SLCO1B3: variants seen among roughly 807,000 people sequenced by gnomAD.
SLCO1B3 encodes liver-specific organic anion transporter 2.
Under a neutral mutation model 71.8 loss-of-function variants are expected in SLCO1B3, and 72 were observed. That is an observed-to-expected ratio of 1.00 (90% CI 0.83 to 1.22). SLCO1B3 has a LOEUF of 1.22. Ranked by LOEUF, SLCO1B3 falls within the 50% of genes most tolerant of loss-of-function variation. The pLI is 0.00. For missense variants in SLCO1B3, 911 were observed against 819.7 expected (o/e 1.11, Z -1.36); for synonymous variants, 298 against 278.4 (o/e 1.07, Z -0.70).
intron 3 of SLCO1B3, among the ~76,000 whole-genome samples, chr12:20,817,754 A>G (rs1565575696): frequency 6.7e-6 from 1 of 148,216 alleles, no homozygotes; most frequent in East Asian, 2.0e-4. Flanking sequence ...CACCCAGCTA[A>G]TTTTTTTTTT....
At chr12:20,850,657 C>T (rs1865008665) in intron 3 of SLCO1B3, among the ~76,000 whole-genome samples, 1 of 152,158 alleles carries the variant, frequency 6.6e-6, no homozygotes, top group African/African-American at 2.4e-5. Context: ...CTGTATTCTC[C>T]TAACTTCCAC....
intron 12 of SLCO1B3, among the ~76,000 whole-genome samples, chr12:20,881,414 C>T (rs1056756400): frequency 3.9e-5 from 6 of 152,124 alleles, no homozygotes; most frequent in African/African-American, 1.4e-4. Flanking sequence ...AGCCTGTTGT[C>T]AGCACTACCT....
At chr12:20,888,968 A>G (rs1346586202) in intron 13 of SLCO1B3, among the ~76,000 whole-genome samples, 1 of 151,932 alleles carries the variant, frequency 6.6e-6, no homozygotes, top group Non-Finnish European at 1.5e-5. Context: ...TTGAAAAAAG[A>G]TTTCTGTTAA....
chr12:20,833,145 C>T (rs558286851), intron 3 of SLCO1B3, among the ~76,000 whole-genome samples: 13 of 152,242 alleles, frequency 8.5e-5, no homozygotes, highest in African/African-American at 2.6e-4. Context: ...AAGTCCACGT[C>T]ACATGGATGC....
intron 10 of SLCO1B3, 24 bp downstream of exon 10, chr12:20,877,960 T>A: frequency 6.5e-7 from 1 of 1,532,848 alleles, no homozygotes; most frequent in Non-Finnish European, 8.9e-7. Flanking sequence ...TTTACCTGTT[T>A]GCTTGATAAA....
In SLCO1B3 at chr12:20,844,137, G is replaced by GTA. The variant is rs1191529909; in HGVS notation, c.85-10883_85-10882dup. 4.0e-5 allele frequency among the ~76,000 whole-genome samples: 6 copies of GTA among 151,594 alleles called. No individual in the cohort carries two copies. The South Asian group carries it at 6.2e-4, about 16-fold the overall frequency. The stretch of plus-strand genomic sequence containing the variant: ...TATATATATAGTATATAAGTTGTGT[G>GTA]TATATATATGTGTGTGTGTGTATAT... On this transcript the variant is annotated intron_variant, in intron 3 of 15. Transcript: ENST00000381545.
intron 13 of SLCO1B3, among the ~76,000 whole-genome samples, chr12:20,896,418 T>C (rs1156683465): frequency 6.6e-6 from 1 of 152,144 alleles, no homozygotes; most frequent in African/African-American, 2.4e-5. Context: ...ATACCCTAAA[T>C]CATCTCCCTC....
In SLCO1B3 at chr12:20,898,542, TTAA is replaced by T. The variant is rs1054202639; in HGVS notation, c.1747+44_1747+46del. 5 of 1,014,548 alleles carry T rather than the reference TTAA, an allele frequency of 4.9e-6. No individual in the cohort carries two copies. The African/African-American group carries it at 6.5e-5, about 13-fold the overall frequency. 62.8% of individuals were successfully genotyped at this position (1,014,548 alleles called of 1,614,324 possible). A position where few individuals can be genotyped will look rare whatever the true frequency, so the allele number is the denominator to read the frequency against. Reference sequence around the variant, plus strand: ...GATTATACATTTTAACATATAAATATTAATGTTAAATACTAAAGACTGAATGCA... The same window carrying T: ...GATTATACATTTTAACATATAAATATTGTTAAATACTAAAGACTGAATGCA... On this transcript the variant is annotated intron_variant, in intron 14 of 15. Transcript: ENST00000381545.
chr12:20,899,505 GAGA>G (rs1866084601), intron 14 of SLCO1B3, among the ~76,000 whole-genome samples: 1 of 152,208 alleles, frequency 6.6e-6, no homozygotes, highest in African/African-American at 2.4e-5. Flanking sequence ...TGTATTCGGT[GAGA>G]AGGTCACAGA....
chr12:20,892,506 G>A (rs1037344690), intron 13 of SLCO1B3, among the ~76,000 whole-genome samples: 4 of 152,114 alleles, frequency 2.6e-5, no homozygotes, highest in Admixed American at 2.0e-4. Flanking sequence ...AAGAGGGAAA[G>A]CAATTACAGA....
At chr12:20,841,405 C>A (rs566536597) in intron 3 of SLCO1B3, among the ~76,000 whole-genome samples, 1 of 152,104 alleles carries the variant, frequency 6.6e-6, no homozygotes, top group African/African-American at 2.4e-5. Flanking sequence ...ACTTAAAATT[C>A]CACTATAATT....
intron 2 of SLCO1B3, among the ~76,000 whole-genome samples, chr12:20,815,176 A>G (rs998427034): frequency 6.6e-6 from 1 of 152,010 alleles, no homozygotes; most frequent in African/African-American, 2.4e-5. Flanking sequence ...GCCTTGTTCC[A>G]TAGGCATCTC....
intron 5 of SLCO1B3, among the ~76,000 whole-genome samples, chr12:20,860,752 C>A (rs1284130296): frequency 6.6e-6 from 1 of 151,880 alleles, no homozygotes; most frequent in African/African-American, 2.4e-5. Context: ...ATATCTTGAC[C>A]AGATTATAAG....
intron 8 of SLCO1B3, among the ~76,000 whole-genome samples, chr12:20,869,988 C>A (rs1865448382): frequency 6.6e-6 from 1 of 152,068 alleles, no homozygotes; most frequent in Non-Finnish European, 1.5e-5. Flanking sequence ...ACATCTATGC[C>A]AACACTTTTC....
rs1357446034 is a variant in SLCO1B3 at position 20,818,719 on chromosome 12, G to A, written c.84+2897G>A. The stretch of plus-strand genomic sequence containing the variant: ...AGTGGCTTGTACTATAGCATAGCCT[G>A]CCTTTGCTGGTGTGTGGTGATTAGG... On this transcript the variant is annotated intron_variant, in intron 3 of 15. Coordinates refer to ENST00000381545, the MANE Select transcript of SLCO1B3 (RefSeq NM_019844.4). Among the ~76,000 whole-genome samples, 3 of 152,252 alleles carry A rather than the reference G, an allele frequency of 2.0e-5. No individual in the cohort carries two copies. In the East Asian group the frequency reaches 5.8e-4, roughly 29 times the overall value.
rs918742258 is a variant in SLCO1B3, at chr12:20,815,911, A to G, written c.84+89A>G. 86 of 632,684 alleles carry G rather than the reference A, an allele frequency of 1.4e-4. 2 individuals carry two copies. Among genetic ancestry groups the G allele is most frequent in the African/African-American group, 1.3e-3 (70 of 53,512 alleles). The allele number at this position is 632,684 out of a possible 1,614,324, so 39.2% of individuals were successfully genotyped here. Reference sequence around the variant, plus strand: ...GCCACTAACTGTCAAAAAGAACATTATATCTCATATTACAATTTTTCCATT... The same window carrying G: ...GCCACTAACTGTCAAAAAGAACATTGTATCTCATATTACAATTTTTCCATT... On this transcript the variant is annotated intron_variant, in intron 3 of 15. Transcript: ENST00000381545.
chr12:20,863,382 G>A (rs1199074660), intron 8 of SLCO1B3, among the ~76,000 whole-genome samples: 2 of 152,108 alleles, frequency 1.3e-5, no homozygotes, highest in Non-Finnish European at 2.9e-5. Flanking sequence ...AGGAGAGGAT[G>A]CATAAATAAA....
chr12:20,823,465 A>G (rs1164527083), intron 3 of SLCO1B3, among the ~76,000 whole-genome samples: 2 of 152,216 alleles, frequency 1.3e-5, no homozygotes, highest in African/African-American at 4.8e-5. Context: ...AACAGGTACT[A>G]TAATTTATAG....
intron 1 of SLCO1B3, among the ~76,000 whole-genome samples, chr12:20,813,202 T>C (rs1864136695): frequency 6.6e-6 from 1 of 152,230 alleles, no homozygotes; most frequent in South Asian, 2.1e-4. Flanking sequence ...ATATGCATGA[T>C]ATATATTTAT....
Sources: gnomAD v4.1 joint callset for allele counts (sites outside exome capture counted in the v4.1 genomes callset) on GRCh38, gnomAD v4.1.1 for gene constraint, MANE v1.5 for transcripts, NCBI Gene and HGNC (gene_info 2026-07-23, HGNC 2026-07-21) for gene names.